ESRRG: variants seen among roughly 807,000 people sequenced by gnomAD.
The protein encoded by ESRRG is estrogen-related receptor gamma.
ESRRG carries 13 observed loss-of-function variants against 44.0 expected under a neutral mutation model. The ratio of observed to expected loss-of-function variants is 0.30; its 90% confidence interval spans 0.19 to 0.47. The LOEUF is 0.47. ESRRG is among the 20% of genes least tolerant of loss of function. The pLI is 1.00. For synonymous variants in ESRRG, 215 were observed against 214.6 expected, an observed-to-expected ratio of 1.00 and a Z score of -0.02; for missense variants, 395 against 580.6, an observed-to-expected ratio of 0.68 and a Z score of 3.29.
intron 3 of ESRRG, among the ~76,000 whole-genome samples, chr1:216,630,790 G>C (rs1460877720): frequency 6.6e-6 from 1 of 152,056 alleles, no homozygotes; most frequent in African/African-American, 2.4e-5. Flanking sequence ...AAATAGCCCT[G>C]TGACAGCATG....
In ESRRG at chr1:216,814,702, T is replaced by C. The variant is rs539422558; in HGVS notation, c.-14+124880A>G. ...AAATACTCCAGCACACCTTCACAAC[T>C]ATAAACTGTAAACATTTCTCTGCCT... On this transcript the variant is annotated intron_variant, in intron 2 of 7. Coordinates refer to the ESRRG transcript ENST00000359162. Among the ~76,000 whole-genome samples the C allele has an allele frequency of 2.8e-4, 43 of 152,294 alleles. 1 individual carries two copies. In the South Asian group the frequency reaches 8.5e-3, roughly 30 times the overall value.
intron 1 of ESRRG, among the ~76,000 whole-genome samples, chr1:216,946,766 G>C (rs2066129141): frequency 6.6e-6 from 1 of 151,640 alleles, no homozygotes; most frequent in Non-Finnish European, 1.5e-5. Context: ...ACCACGGCTG[G>C]AGTGCAGTGG....
chr1:217,088,433 G>T (rs1471899566), intron 1 of ESRRG, among the ~76,000 whole-genome samples: 4 of 118,938 alleles, frequency 3.4e-5, no homozygotes, highest in Admixed American at 2.0e-4. Flanking sequence ...TTTTGAGAGA[G>T]AGAGAGAGAG....
intron 2 of ESRRG, among the ~76,000 whole-genome samples, chr1:216,673,352 T>C (rs1185818021): frequency 2.6e-5 from 4 of 152,266 alleles, no homozygotes; most frequent in Admixed American, 2.6e-4. Flanking sequence ...CACTGCCTTT[T>C]TGGGGCTAAG....
At chr1:216,973,616 C>T (rs2164612) in intron 1 of ESRRG, among the ~76,000 whole-genome samples, 73,640 of 151,796 alleles carry the variant, frequency 0.49, 19,640 homozygotes, top group East Asian at 0.73. Flanking sequence ...CACCTGAGGT[C>T]GGGAGTTCGA....
At chr1:216,900,700 T>C (rs2058971069) in intron 2 of ESRRG, among the ~76,000 whole-genome samples, 1 of 152,150 alleles carries the variant, frequency 6.6e-6, no homozygotes, top group Non-Finnish European at 1.5e-5. Context: ...CAAGGGTAGA[T>C]TATATAATAA....
intron 1 of ESRRG, among the ~76,000 whole-genome samples, chr1:216,994,161 T>C (rs1237783826): frequency 6.6e-6 from 1 of 152,220 alleles, no homozygotes; most frequent in Non-Finnish European, 1.5e-5. Context: ...GTAGATTACA[T>C]GTCTCAGGGG....
chr1:216,619,290 T>C (rs772215076), intron 3 of ESRRG, among the ~76,000 whole-genome samples: 1 of 152,138 alleles, frequency 6.6e-6, no homozygotes, highest in Non-Finnish European at 1.5e-5. Flanking sequence ...AAATATTAAA[T>C]ACAAAACAAA....
At chr1:216,549,318 AAG>A (rs2055539162) in intron 5 of ESRRG, among the ~76,000 whole-genome samples, 1 of 152,158 alleles carries the variant, frequency 6.6e-6, no homozygotes. Context: ...ACTCAAAAGA[AAG>A]AGAAATAGAT....
chr1:216,949,069 G>A (rs1433120537), intron 1 of ESRRG, among the ~76,000 whole-genome samples: 1 of 152,150 alleles, frequency 6.6e-6, no homozygotes, highest in Admixed American at 6.6e-5. Context: ...AGAGCGCTCT[G>A]CCTTCCCAAC....
chr1:216,627,211 T>G (rs995827447), intron 3 of ESRRG, among the ~76,000 whole-genome samples: 1 of 152,200 alleles, frequency 6.6e-6, no homozygotes, highest in Non-Finnish European at 1.5e-5. Flanking sequence ...TAGCTACAAA[T>G]TTTAAGATTG....
At chr1:216,702,191 G>A (rs911748451) in intron 1 of ESRRG, among the ~76,000 whole-genome samples, 5 of 152,060 alleles carry the variant, frequency 3.3e-5, no homozygotes, top group Non-Finnish European at 5.9e-5. Context: ...TCTTTAAAAG[G>A]TGACATTTAT....
chr1:216,783,174 AT>A (rs112825226), intron 2 of ESRRG, among the ~76,000 whole-genome samples: 1,541 of 152,122 alleles, frequency 0.01, 28 homozygotes, highest in African/African-American at 0.035. Context: ...CTTAGAAATT[AT>A]TTCCTTGGTT....
chr1:216,662,466 A>G (rs2072741180), intron 2 of ESRRG, among the ~76,000 whole-genome samples: 1 of 152,192 alleles, frequency 6.6e-6, no homozygotes, highest in Non-Finnish European at 1.5e-5. Context: ...AGGAAAGCCC[A>G]GAAAACAATG....
chr1:216,740,855 G>T (rs939857634), intron 2 of ESRRG, among the ~76,000 whole-genome samples: 2 of 151,818 alleles, frequency 1.3e-5, no homozygotes, highest in African/African-American at 4.8e-5. Flanking sequence ...GACATTTATT[G>T]GAGTGGCTTT....
chr1:216,851,751 G>T (rs1208741887), intron 2 of ESRRG, among the ~76,000 whole-genome samples: 1 of 152,162 alleles, frequency 6.6e-6, no homozygotes, highest in Non-Finnish European at 1.5e-5. Flanking sequence ...CTGCTAATTT[G>T]CAGAAATGTG....
intron 1 of ESRRG, among the ~76,000 whole-genome samples, chr1:216,960,030 A>T (rs949770560): frequency 6.6e-6 from 1 of 152,144 alleles, no homozygotes; most frequent in African/African-American, 2.4e-5. Flanking sequence ...CAGAGTCAGT[A>T]TTTAAACTGT....
chr1:216,550,733 T>C (rs535368217), intron 5 of ESRRG, among the ~76,000 whole-genome samples: 4 of 152,280 alleles, frequency 2.6e-5, no homozygotes, highest in African/African-American at 7.2e-5. Flanking sequence ...TATTAAGTCA[T>C]GGTCAATGAA....
chr1:216,719,765 AG>A (rs887646148), intron 1 of ESRRG, among the ~76,000 whole-genome samples: 9 of 152,030 alleles, frequency 5.9e-5, no homozygotes, highest in African/African-American at 2.2e-4. Context: ...GATATCCACA[AG>A]GGCTTTGCTA....
Sources: allele counts gnomAD v4.1 joint callset (sites outside exome capture counted in the v4.1 genomes callset), GRCh38; gene constraint gnomAD v4.1.1; transcripts MANE v1.5; gene names NCBI Gene and HGNC (gene_info 2026-07-23, HGNC 2026-07-21).